The following ENOX1 variants were observed in gnomAD, a reference collection of about 807,000 sequenced individuals.
ENOX1 encodes ecto-NOX disulfide-thiol exchanger 1.
In ENOX1, 42 loss-of-function variants were observed where a neutral mutation model predicts 82.5. That is an observed-to-expected ratio of 0.51 (90% CI 0.40 to 0.66). The LOEUF (loss-of-function observed/expected upper bound fraction) is 0.66, where lower values mean the gene tolerates loss of function less well. ENOX1 is among the 30% of genes least tolerant of loss of function. The probability of loss-of-function intolerance (pLI) is 0.00; values close to 1 mark genes in which losing one functional copy is unlikely to be tolerated. For missense variants in ENOX1, 608 were observed against 811.6 expected (o/e 0.75, Z 3.05); for synonymous variants, 271 against 282.2 (o/e 0.96, Z 0.40).
chr13:43,697,108 C>T (rs1454487758), intron 1 of ENOX1, among the ~76,000 whole-genome samples: 1 of 152,028 alleles, frequency 6.6e-6, no homozygotes, highest in African/African-American at 2.4e-5. Flanking sequence ...ACCACTGTGC[C>T]ATTAACAGAA....
chr13:43,693,966 T>C (rs1271804911), intron 1 of ENOX1, among the ~76,000 whole-genome samples: 1 of 152,188 alleles, frequency 6.6e-6, no homozygotes, highest in Non-Finnish European at 1.5e-5. Context: ...AAGCTAGGAC[T>C]TGGTGACTGG....
Position 43,685,502 on chromosome 13 carries a change from C to G in ENOX1, c.-284-17958G>C, listed in dbSNP as rs1394836101. Among the ~76,000 whole-genome samples the G allele has an allele frequency of 2.0e-5, 3 of 152,092 alleles. No homozygotes were observed. The East Asian group carries it at 5.8e-4, about 29-fold the overall frequency. ...AGGTCCTCCAGCCTCTGAGCAGTAACCTGTTCATGGCTTACATCATGAAAA... is the reference window on the plus strand; with the variant it reads ...AGGTCCTCCAGCCTCTGAGCAGTAAGCTGTTCATGGCTTACATCATGAAAA... On this transcript the variant is annotated intron_variant, in intron 1 of 16. Transcript: ENST00000690772.
At chr13:43,524,876 T>C (rs1488542125) in intron 2 of ENOX1, among the ~76,000 whole-genome samples, 4 of 152,114 alleles carry the variant, frequency 2.6e-5, no homozygotes, top group Non-Finnish European at 5.9e-5. Context: ...ATTTATTATC[T>C]GATTCCACTC....
intron 2 of ENOX1, among the ~76,000 whole-genome samples, chr13:43,522,533 G>A (rs1350739520): frequency 6.6e-6 from 1 of 152,064 alleles, no homozygotes; most frequent in East Asian, 1.9e-4. Context: ...AAGGAGATAA[G>A]ATTGGAACCA....
In ENOX1 at chr13:43,754,248, CACATATAT is replaced by C. The variant is rs550953157; in HGVS notation, c.-285+32396_-285+32403del. 8.8e-3 allele frequency among the ~76,000 whole-genome samples: 1,296 copies of C among 146,878 alleles called. 21 individuals carry two copies. The highest frequency in any genetic ancestry group is 0.031 in the African/African-American group (1,224 of 40,006). On this transcript the variant is annotated intron_variant, in intron 1 of 16. Coordinates refer to ENST00000690772, the MANE Select transcript of ENOX1 (RefSeq NM_001347969.2). Reference sequence around the variant, plus strand: ...ACATGTGTATACATATGTATATATACACATATATACATATATACACACACACATATATA... The same window carrying C: ...ACATGTGTATACATATGTATATATACACATATATACACACACACATATATA...
rs2050127369 is a variant in ENOX1 at position 43,355,986 on chromosome 13, G to A, written c.756C>T (p.Pro252=). 2 of 1,613,858 alleles carry A rather than the reference G, an allele frequency of 1.2e-6. No individual in the cohort carries two copies. Among genetic ancestry groups the A allele is most frequent in the South Asian group, 1.1e-5 (1 of 91,074 alleles). ...AGTGCATTATGGCAGGCGGGGATGG[G>A]GGCCTGAGCCGGTCCTCCTCCAGCT... ...RRKLEEDRLR[P]PSPPAIMHYS... Residue 252 remains proline, a synonymous_variant, in exon 8 of 17, where the codon CCC becomes CCT. Transcript: ENST00000690772.
chr13:43,570,669 C>A (rs1024989706), intron 2 of ENOX1, among the ~76,000 whole-genome samples: 1 of 152,066 alleles, frequency 6.6e-6, no homozygotes, highest in East Asian at 1.9e-4. Flanking sequence ...CGGGATAGAA[C>A]AAACTGCAGT....
intron 14 of ENOX1, among the ~76,000 whole-genome samples, chr13:43,252,865 G>T (rs529869397): frequency 1.3e-5 from 2 of 152,298 alleles, no homozygotes; most frequent in East Asian, 3.9e-4. Flanking sequence ...AGTTCTCACT[G>T]TTAGGCCCCA....
intron 5 of ENOX1, among the ~76,000 whole-genome samples, chr13:43,396,142 T>C (rs4942224): frequency 0.93 from 141,870 of 152,248 alleles, 66,819 homozygotes; most frequent in East Asian, 1. Context: ...GTTTATCCTC[T>C]GGTACTGGTT....
chr13:43,618,471 C>A (rs1454107846), intron 2 of ENOX1, among the ~76,000 whole-genome samples: 1 of 152,162 alleles, frequency 6.6e-6, no homozygotes, highest in Non-Finnish European at 1.5e-5. Flanking sequence ...AGCCAATTAT[C>A]CCAGCACCAT....
At chr13:43,769,266 T>C (rs1234205231) in intron 1 of ENOX1, among the ~76,000 whole-genome samples, 1 of 152,130 alleles carries the variant, frequency 6.6e-6, no homozygotes, top group East Asian at 1.9e-4. Flanking sequence ...TGCCCTCTCC[T>C]TCACATTAAT....
chr13:43,678,115 C>T (rs2085602770), intron 1 of ENOX1, among the ~76,000 whole-genome samples: 2 of 152,048 alleles, frequency 1.3e-5, no homozygotes, highest in African/African-American at 2.4e-5. Flanking sequence ...AAGCTACCAT[C>T]CTGAAAGTGG....
At chr13:43,238,768 A>ATAAT (rs1218752587) in intron 14 of ENOX1, among the ~76,000 whole-genome samples, 2 of 152,208 alleles carry the variant, frequency 1.3e-5, no homozygotes, top group East Asian at 3.9e-4. Flanking sequence ...AGCCTGGATG[A>ATAAT]TAATTGGGGC....
rs186187811 is a variant in ENOX1 at position 43,291,057 on chromosome 13, T to G, written c.1446+7289A>C. Among the ~76,000 whole-genome samples, 14 of 152,256 alleles carry G rather than the reference T, an allele frequency of 9.2e-5. No homozygotes were observed. The East Asian group carries it at 2.5e-3, about 27-fold the overall frequency. On this transcript the variant is annotated intron_variant, in intron 12 of 16. Coordinates refer to ENST00000690772, the MANE Select transcript of ENOX1 (RefSeq NM_001347969.2). ...AATAAAAATAAAAGTTGAAAAAAATTTTTAAAAGCTCTTAGAATACAATTT... is the reference window on the plus strand; with the variant it reads ...AATAAAAATAAAAGTTGAAAAAAATGTTTAAAAGCTCTTAGAATACAATTT...
intron 3 of ENOX1, among the ~76,000 whole-genome samples, chr13:43,443,898 G>A (rs1388008378): frequency 6.6e-6 from 1 of 152,214 alleles, no homozygotes; most frequent in Non-Finnish European, 1.5e-5. Context: ...AAAGGTTTAA[G>A]TGTGCAATGT....
intron 2 of ENOX1, among the ~76,000 whole-genome samples, chr13:43,594,773 C>T (rs2081390607): frequency 6.6e-6 from 1 of 152,056 alleles, no homozygotes; most frequent in South Asian, 2.1e-4. Flanking sequence ...ACCTCACGAC[C>T]GAAGTTGAAC....
intron 5 of ENOX1, among the ~76,000 whole-genome samples, chr13:43,400,150 G>A (rs1461970383): frequency 6.6e-6 from 1 of 152,058 alleles, no homozygotes; most frequent in African/African-American, 2.4e-5. Flanking sequence ...CAACAGTGCT[G>A]GAGAAAACCA....
chr13:43,388,770 T>C (rs1365587337), intron 5 of ENOX1, among the ~76,000 whole-genome samples: 1 of 152,132 alleles, frequency 6.6e-6, no homozygotes, highest in Non-Finnish European at 1.5e-5. Context: ...GAGGCTGCCC[T>C]TGGAGGAGCT....
intron 2 of ENOX1, among the ~76,000 whole-genome samples, chr13:43,571,297 C>T (rs949489531): frequency 9.9e-5 from 15 of 152,142 alleles, no homozygotes; most frequent in African/African-American, 3.6e-4. Flanking sequence ...TTATGGTATA[C>T]ACTCCATCTG....
Sources: allele counts gnomAD v4.1 joint callset (sites outside exome capture counted in the v4.1 genomes callset), GRCh38; gene constraint gnomAD v4.1.1; transcripts MANE v1.5; gene names NCBI Gene and HGNC (gene_info 2026-07-23, HGNC 2026-07-21).